Variants in MKRN2 observed in about 807,000 individuals in gnomAD.
The protein encoded by MKRN2 is E3 ubiquitin-protein ligase makorin-2.
In MKRN2, 32 loss-of-function variants were observed where a neutral mutation model predicts 45.4. The observed-to-expected ratio is 0.70, with a 90% CI of 0.53 to 0.95. The LOEUF (loss-of-function observed/expected upper bound fraction) is 0.95. Among genes scored for constraint, MKRN2 ranks in the 40% least tolerant of loss-of-function variants. The pLI is 0.00. For synonymous variants in MKRN2, 206 were observed against 192.4 expected (o/e 1.07, Z -0.59); for missense variants, 526 against 536.7 (o/e 0.98, Z 0.20).
chr3:12,569,235 C>A (rs1199690585), intron 2 of MKRN2, among the ~76,000 whole-genome samples: 9 of 122,272 alleles, frequency 7.4e-5, no homozygotes, highest in Non-Finnish European at 9.8e-5. Context: ...GATCTCAGTT[C>A]TCTGCAACCT....
chr3:12,565,163 G>A (rs1022909306), intron 1 of MKRN2, among the ~76,000 whole-genome samples: 5 of 152,168 alleles, frequency 3.3e-5, no homozygotes, highest in African/African-American at 9.7e-5. Context: ...TGGGTCATAT[G>A]GTAGATTTAT....
At chr3:12,564,102 C>T (rs547270770) in intron 1 of MKRN2, among the ~76,000 whole-genome samples, 10 of 152,022 alleles carry the variant, frequency 6.6e-5, no homozygotes, top group Admixed American at 1.3e-4. Flanking sequence ...CCCACCACCA[C>T]GCCCGGCTAA....
chr3:12,569,253 C>T (rs1452815193), intron 2 of MKRN2, among the ~76,000 whole-genome samples: 1 of 81,344 alleles, frequency 1.2e-5, no homozygotes, highest in African/African-American at 1.2e-4. Flanking sequence ...CCTCCGCCTC[C>T]AGGGTTCTCC....
chr3:12,573,222 G>A (rs1408816166), intron 4 of MKRN2, among the ~76,000 whole-genome samples: 1 of 152,124 alleles, frequency 6.6e-6, no homozygotes, highest in East Asian at 1.9e-4. Context: ...AGGGTACGAA[G>A]CTGGATAAGA....
intron 5 of MKRN2, among the ~76,000 whole-genome samples, chr3:12,576,391 C>A (rs1241269649): frequency 6.6e-6 from 1 of 152,136 alleles, no homozygotes; most frequent in Non-Finnish European, 1.5e-5. Flanking sequence ...CCTCCCCTTG[C>A]CCCTGCACCG....
Position 12,557,117 on chromosome 3 carries a change from G to A in MKRN2, c.-34G>A. The A allele has an allele frequency of 6.7e-7, 1 of 1,493,132 alleles. No individual in the cohort carries two copies. The highest frequency in any genetic ancestry group is 8.9e-7 in the Non-Finnish European group (1 of 1,123,814). 92.5% of individuals were successfully genotyped at this position (1,493,132 alleles called of 1,614,324 possible). A position where few individuals can be genotyped will look rare whatever the true frequency, so the allele number is the denominator to read the frequency against. On this transcript the variant is annotated 5_prime_UTR_variant, in exon 1 of 8. Coordinates refer to ENST00000170447, the MANE Select transcript of MKRN2 (RefSeq NM_014160.5). ...CGAGGCGGCAGCGGCTGCGAGAGGC[G>A]GCGGCACGACGACGGTCCCTCAGCC... is the stretch of plus-strand genomic sequence containing the variant.
chr3:12,569,700 T>C (rs79966488), intron 2 of MKRN2, among the ~76,000 whole-genome samples: 2,025 of 152,204 alleles, frequency 0.013, 49 homozygotes, highest in African/African-American at 0.046. Flanking sequence ...GGAGAGATCA[T>C]TGGCCCTTGT....
intron 6 of MKRN2, among the ~76,000 whole-genome samples, chr3:12,580,548 G>A (rs1310927204): frequency 1.3e-5 from 2 of 151,870 alleles, no homozygotes; most frequent in African/African-American, 4.8e-5. Context: ...CACCTCCTGG[G>A]TTCAAGCAAT....
At chr3:12,570,404 A>T in intron 3 of MKRN2, 152 bp downstream of exon 3, 2 of 718,744 alleles carry the variant, frequency 2.8e-6, no homozygotes, top group Non-Finnish European at 4.3e-6. Context: ...TGTTCTGAAG[A>T]GGCTCCATGT....
chr3:12,578,408 C>T (rs1483989792), intron 6 of MKRN2, among the ~76,000 whole-genome samples: 2 of 150,156 alleles, frequency 1.3e-5, no homozygotes, highest in Admixed American at 6.7e-5. Flanking sequence ...GCCACCTCCG[C>T]CTTCCAGGTT....
At chr3:12,569,272 C>A (rs1055840441) in intron 2 of MKRN2, among the ~76,000 whole-genome samples, 1 of 151,974 alleles carries the variant, frequency 6.6e-6, no homozygotes, top group African/African-American at 2.4e-5. Context: ...CCTGCCTCAG[C>A]CTCCCAAGTA....
At chr3:12,558,488 A>G (rs1422165273) in intron 1 of MKRN2, among the ~76,000 whole-genome samples, 2 of 152,182 alleles carry the variant, frequency 1.3e-5, no homozygotes. Context: ...GTTTAATTCT[A>G]CCATTTATTC....
intron 6 of MKRN2, 64 bp downstream of exon 6, chr3:12,576,805 C>T: frequency 8.5e-7 from 1 of 1,182,744 alleles, no homozygotes; most frequent in East Asian, 2.4e-5. Flanking sequence ...AGCCCGTGTC[C>T]TCGTTCTCCT....
chr3:12,557,448 C>T (rs1479947567), intron 1 of MKRN2, among the ~76,000 whole-genome samples: 1 of 152,230 alleles, frequency 6.6e-6, no homozygotes, highest in Non-Finnish European at 1.5e-5. Flanking sequence ...GAAGGACGTC[C>T]TAGCCAGGGC....
chr3:12,576,023 G>T (rs1157047013), intron 5 of MKRN2, among the ~76,000 whole-genome samples: 1 of 152,012 alleles, frequency 6.6e-6, no homozygotes, highest in African/African-American at 2.4e-5. Flanking sequence ...ATTTCTCTTG[G>T]GTATACACCT....
intron 1 of MKRN2, among the ~76,000 whole-genome samples, chr3:12,568,202 C>T (rs567389721): frequency 3.2e-4 from 49 of 152,306 alleles, no homozygotes; most frequent in African/African-American, 1.1e-3. Context: ...CTAGGAGAAT[C>T]GCTTGAACCC....
At chr3:12,565,246 G>A (rs1222494386) in intron 1 of MKRN2, among the ~76,000 whole-genome samples, 1 of 152,170 alleles carries the variant, frequency 6.6e-6, no homozygotes, top group Non-Finnish European at 1.5e-5. Context: ...CACTTATAAA[G>A]ACAGTAGGCC....
intron 1 of MKRN2, among the ~76,000 whole-genome samples, chr3:12,562,517 T>A (rs115262240): frequency 3.0e-4 from 45 of 152,302 alleles, no homozygotes; most frequent in African/African-American, 1.0e-3. Context: ...AAAATAAAAC[T>A]TTAACAGCCT....
chr3:12,566,701 C>T (rs1371746581), intron 1 of MKRN2, among the ~76,000 whole-genome samples: 1 of 152,212 alleles, frequency 6.6e-6, no homozygotes, highest in African/African-American at 2.4e-5. Context: ...CTCCAGGGTT[C>T]AGGTGATTCT....
Sources: gnomAD v4.1 joint callset for allele counts (sites outside exome capture counted in the v4.1 genomes callset) on GRCh38, gnomAD v4.1.1 for gene constraint, MANE v1.5 for transcripts, NCBI Gene and HGNC (gene_info 2026-07-23, HGNC 2026-07-21) for gene names.